Variants in CDKAL1 observed in about 807,000 individuals in gnomAD.
CDKAL1 encodes CDKAL1 threonylcarbamoyladenosine tRNA methylthiotransferase, also known as threonylcarbamoyladenosine tRNA methylthiotransferase.
CDKAL1 carries 32 observed loss-of-function variants against 68.2 expected under a neutral mutation model. The ratio of observed to expected loss-of-function variants is 0.47; its 90% CI spans 0.35 to 0.63. The LOEUF is 0.63. CDKAL1 is among the 30% of genes least tolerant of loss of function. The probability of loss-of-function intolerance (pLI) is 0.00; values close to 1 mark genes in which losing one functional copy is unlikely to be tolerated. For synonymous variants in CDKAL1, 234 were observed against 244.3 expected (o/e 0.96, Z 0.39); for missense variants, 606 against 696.7 (o/e 0.87, Z 1.47).
chr6:21,029,376 A>G (rs1769138638), intron 11 of CDKAL1, among the ~76,000 whole-genome samples: 1 of 152,048 alleles, frequency 6.6e-6, no homozygotes, highest in Non-Finnish European at 1.5e-5. Context: ...TCTTTTTGTA[A>G]TGTTGATCAA....
intron 10 of CDKAL1, among the ~76,000 whole-genome samples, chr6:20,971,826 T>A (rs1765618333): frequency 6.6e-6 from 1 of 152,258 alleles, no homozygotes; most frequent in Non-Finnish European, 1.5e-5. Context: ...CTGAATGATG[T>A]AGATTTTAAA....
At position 20,589,024 on chromosome 6, in the gene CDKAL1, C is replaced by A. The variant is rs192471794; in HGVS notation, c.286+40319C>A. The stretch of plus-strand genomic sequence containing the variant: ...TGGTTCAGGTGATTTAAAAATATCA[C>A]TACAAAAAGGAGATATCTTGCTTAT... On this transcript the variant is annotated intron_variant, in intron 4 of 15. Coordinates refer to ENST00000274695, the MANE Select transcript of CDKAL1 (RefSeq NM_017774.3). Among the ~76,000 whole-genome samples, 594 of 152,196 alleles carry A rather than the reference C, an allele frequency of 3.9e-3. 3 individuals are homozygous for A. The highest frequency in any genetic ancestry group is 0.013 in the African/African-American group (560 of 41,548).
intron 7 of CDKAL1, among the ~76,000 whole-genome samples, chr6:20,767,136 G>T (rs896675917): frequency 2.6e-5 from 4 of 152,074 alleles, no homozygotes; most frequent in African/African-American, 9.7e-5. Flanking sequence ...TGACTGGAGA[G>T]ATTTTATTCT....
At chr6:20,895,601 T>A (rs1761638258) in intron 9 of CDKAL1, among the ~76,000 whole-genome samples, 1 of 152,210 alleles carries the variant, frequency 6.6e-6, no homozygotes, top group African/African-American at 2.4e-5. Context: ...TTCAGTATGT[T>A]CTTATCATCA....
At chr6:20,950,969 GA>G (rs5874796) in intron 9 of CDKAL1, among the ~76,000 whole-genome samples, 20 of 139,514 alleles carry the variant, frequency 1.4e-4, no homozygotes, top group African/African-American at 1.9e-4. Context: ...AACAGTCTCA[GA>G]AAAAAAAAAA....
At chr6:21,218,517 C>T (rs902213839) in intron 15 of CDKAL1, among the ~76,000 whole-genome samples, 2 of 152,346 alleles carry the variant, frequency 1.3e-5, no homozygotes, top group African/African-American at 4.8e-5. Flanking sequence ...GGGGATGTGG[C>T]CTTAGCTGAA....
At chr6:21,047,475 C>T (rs1770306296) in intron 11 of CDKAL1, among the ~76,000 whole-genome samples, 2 of 152,180 alleles carry the variant, frequency 1.3e-5, no homozygotes, top group South Asian at 4.1e-4. Context: ...AATCATTGAT[C>T]TCTGGGTGAA....
intron 8 of CDKAL1, among the ~76,000 whole-genome samples, chr6:20,811,697 T>G (rs548140588): frequency 2.5e-4 from 38 of 152,038 alleles, no homozygotes; most frequent in Admixed American, 2.1e-3. Flanking sequence ...GTCTCATGTC[T>G]ACTCCTCTTA....
intron 13 of CDKAL1, among the ~76,000 whole-genome samples, chr6:21,123,978 T>C (rs1255251442): frequency 6.6e-6 from 1 of 152,248 alleles, no homozygotes; most frequent in East Asian, 1.9e-4. Flanking sequence ...GACTGATTAG[T>C]GATTCAGCTT....
chr6:21,212,544 G>A (rs1779192007), intron 15 of CDKAL1, among the ~76,000 whole-genome samples: 2 of 152,140 alleles, frequency 1.3e-5, no homozygotes, highest in Admixed American at 6.5e-5. Flanking sequence ...TTCTAATGAT[G>A]AAAGTGACAG....
chr6:21,076,493 C>G (rs73379582), intron 12 of CDKAL1, among the ~76,000 whole-genome samples: 2,763 of 152,234 alleles, frequency 0.018, 76 homozygotes, highest in African/African-American at 0.061. Flanking sequence ...TTACGTTTAA[C>G]AACTCAGTGT....
chr6:20,766,853 G>T (rs1212576757), intron 7 of CDKAL1, among the ~76,000 whole-genome samples: 2 of 151,940 alleles, frequency 1.3e-5, no homozygotes, highest in South Asian at 4.1e-4. Flanking sequence ...GAAAGAATTT[G>T]TATTATACCT....
chr6:21,192,006 T>C, intron 13 of CDKAL1, among the ~76,000 whole-genome samples: 1 of 69,954 alleles, frequency 1.4e-5, no homozygotes, highest in African/African-American at 6.4e-5. Context: ...TTTTTTTTTT[T>C]TTTTTTTTTT....
At chr6:20,845,400 A>G (rs1172744656) in intron 8 of CDKAL1, among the ~76,000 whole-genome samples, 3 of 152,128 alleles carry the variant, frequency 2.0e-5, no homozygotes, top group African/African-American at 7.2e-5. Flanking sequence ...TTAAAAAGAC[A>G]ATTCTATATC....
At chr6:20,681,325 G>A (rs1770365656) in intron 5 of CDKAL1, among the ~76,000 whole-genome samples, 1 of 152,206 alleles carries the variant, frequency 6.6e-6, no homozygotes, top group Non-Finnish European at 1.5e-5. Context: ...GTTCTTTCCT[G>A]TTGCTTGTTT....
intron 5 of CDKAL1, among the ~76,000 whole-genome samples, chr6:20,679,802 T>G (rs1770290952): frequency 6.6e-6 from 1 of 152,190 alleles, no homozygotes; most frequent in Admixed American, 6.5e-5. Context: ...CTAGTAGCCT[T>G]GGACACTTTT....
intron 6 of CDKAL1, among the ~76,000 whole-genome samples, chr6:20,750,959 A>T (rs1160799832): frequency 1.8e-4 from 7 of 38,640 alleles, no homozygotes; most frequent in Non-Finnish European, 4.3e-4. Flanking sequence ...GTGAAAAAAA[A>T]AAAAAAAAAA....
chr6:21,058,398 A>G (rs1484253884), intron 11 of CDKAL1, among the ~76,000 whole-genome samples: 4 of 152,284 alleles, frequency 2.6e-5, no homozygotes, highest in Middle Eastern at 3.4e-3. Context: ...TTTTGAGCCT[A>G]TGTGTGTCTT....
At chr6:20,972,688 T>A (rs908814121) in intron 10 of CDKAL1, among the ~76,000 whole-genome samples, 2 of 152,172 alleles carry the variant, frequency 1.3e-5, no homozygotes, top group Non-Finnish European at 2.9e-5. Flanking sequence ...CTTGGAATTA[T>A]GAAGCTTATG....
Sources: gnomAD v4.1 joint callset for allele counts (sites outside exome capture counted in the v4.1 genomes callset) on GRCh38, gnomAD v4.1.1 for gene constraint, MANE v1.5 for transcripts, NCBI Gene and HGNC (gene_info 2026-07-23, HGNC 2026-07-21) for gene names.